LSAMP: variants seen among roughly 807,000 people sequenced by gnomAD.
LSAMP encodes limbic system-associated membrane protein.
Under a neutral mutation model 38.6 loss-of-function variants are expected in LSAMP, and 7 were observed. The observed-to-expected ratio is 0.18, with a 90% CI of 0.10 to 0.34. The LOEUF is 0.34. Among genes scored for constraint, LSAMP ranks in the 10% least tolerant of loss-of-function variants. The pLI is 1.00. For synonymous variants in LSAMP, 154 were observed against 166.8 expected (o/e 0.92, Z 0.59); for missense variants, 313 against 420.0 (o/e 0.75, Z 2.23).
At chr3:116,350,731 G>T (rs897955418) in intron 1 of LSAMP, among the ~76,000 whole-genome samples, 3 of 151,868 alleles carry the variant, frequency 2.0e-5, no homozygotes, top group Admixed American at 6.6e-5. Context: ...ACATGAAAAG[G>T]TGAAAGTTCT....
At chr3:115,866,485 C>G (rs1292761893) in intron 3 of LSAMP, among the ~76,000 whole-genome samples, 4 of 152,096 alleles carry the variant, frequency 2.6e-5, no homozygotes, top group African/African-American at 9.7e-5. Flanking sequence ...TTTCATTATG[C>G]ATGGATTTTG....
At chr3:115,983,740 C>T (rs887874516) in intron 3 of LSAMP, among the ~76,000 whole-genome samples, 8 of 152,086 alleles carry the variant, frequency 5.3e-5, no homozygotes, top group African/African-American at 1.9e-4. Flanking sequence ...CATGAGAGGA[C>T]AGTGCCTAGT....
chr3:116,370,607 G>A (rs925545609), intron 1 of LSAMP, among the ~76,000 whole-genome samples: 1 of 152,138 alleles, frequency 6.6e-6, no homozygotes, highest in Non-Finnish European at 1.5e-5. Flanking sequence ...GGGAGTTGAG[G>A]GGAGGGTAAA....
At chr3:116,306,562 G>T (rs2047487619) in intron 1 of LSAMP, among the ~76,000 whole-genome samples, 1 of 151,872 alleles carries the variant, frequency 6.6e-6, no homozygotes, top group African/African-American at 2.4e-5. Flanking sequence ...TTAATGAAGG[G>T]TTCAGAAAAT....
chr3:115,846,805 A>G (rs1362265721), intron 4 of LSAMP, among the ~76,000 whole-genome samples: 2 of 152,204 alleles, frequency 1.3e-5, no homozygotes, highest in African/African-American at 4.8e-5. Flanking sequence ...TGGAAAGGTA[A>G]ATGTTGCATA....
At chr3:116,398,980 A>C (rs1189443010) in intron 1 of LSAMP, among the ~76,000 whole-genome samples, 1 of 152,208 alleles carries the variant, frequency 6.6e-6, no homozygotes, top group Non-Finnish European at 1.5e-5. Context: ...GAAAAGTTGG[A>C]GTTAGGCAGG....
At chr3:116,345,178 C>T (rs1285451715) in intron 1 of LSAMP, among the ~76,000 whole-genome samples, 1 of 151,760 alleles carries the variant, frequency 6.6e-6, no homozygotes, top group Non-Finnish European at 1.5e-5. Context: ...CAAATAGTAG[C>T]CAATGTACAA....
intron 2 of LSAMP, among the ~76,000 whole-genome samples, chr3:116,075,415 C>T (rs1015853244): frequency 4.0e-5 from 6 of 151,268 alleles, no homozygotes; most frequent in Admixed American, 1.3e-4. Context: ...GGATTACAGG[C>T]GTGAGCCACA....
intron 1 of LSAMP, among the ~76,000 whole-genome samples, chr3:116,105,776 C>A (rs942591567): frequency 3.3e-5 from 5 of 152,116 alleles, no homozygotes; most frequent in African/African-American, 1.2e-4. Flanking sequence ...TTGGCTTGGG[C>A]TCAGAGGCCT....
intron 3 of LSAMP, among the ~76,000 whole-genome samples, chr3:115,883,814 A>G (rs540910261): frequency 6.6e-6 from 1 of 152,214 alleles, no homozygotes; most frequent in African/African-American, 2.4e-5. Context: ...GATTTGGCAC[A>G]GATGGCTAAA....
intron 3 of LSAMP, among the ~76,000 whole-genome samples, chr3:115,904,125 C>T (rs1387182253): frequency 1.3e-5 from 2 of 151,770 alleles, no homozygotes; most frequent in African/African-American, 4.8e-5. Context: ...AAAAGTGAAG[C>T]AACAAATAAA....
intron 6 of LSAMP, among the ~76,000 whole-genome samples, chr3:115,833,732 C>A (rs961347942): frequency 6.6e-6 from 1 of 152,014 alleles, no homozygotes; most frequent in Non-Finnish European, 1.5e-5. Flanking sequence ...TTTTTCCACG[C>A]CAGGTCCCGC....
intron 2 of LSAMP, among the ~76,000 whole-genome samples, chr3:116,042,247 C>A (rs1000744341): frequency 6.6e-6 from 1 of 152,106 alleles, no homozygotes; most frequent in East Asian, 1.9e-4. Context: ...AAGTGTTTTG[C>A]ACATAATTGT....
At chr3:116,439,234 T>G (rs2049397296) in intron 1 of LSAMP, among the ~76,000 whole-genome samples, 1 of 151,844 alleles carries the variant, frequency 6.6e-6, no homozygotes, top group African/African-American at 2.4e-5. Flanking sequence ...TTCTCCAACC[T>G]CAATATGCTA....
intron 2 of LSAMP, among the ~76,000 whole-genome samples, chr3:116,030,676 A>G (rs1398419649): frequency 6.6e-6 from 1 of 152,170 alleles, no homozygotes; most frequent in Non-Finnish European, 1.5e-5. Flanking sequence ...AAAAAATATC[A>G]GGCTACCTTG....
intron 1 of LSAMP, among the ~76,000 whole-genome samples, chr3:116,144,088 G>A (rs1709434593): frequency 6.6e-6 from 1 of 151,972 alleles, no homozygotes; most frequent in Non-Finnish European, 1.5e-5. Context: ...AAGTGGGGAA[G>A]TCATTGCATT....
At chr3:115,955,604 C>A (rs1938429497) in intron 3 of LSAMP, among the ~76,000 whole-genome samples, 1 of 145,544 alleles carries the variant, frequency 6.9e-6, no homozygotes, top group Admixed American at 6.9e-5. Context: ...ATTGTATTAA[C>A]TGCTGATGGG....
intron 1 of LSAMP, among the ~76,000 whole-genome samples, chr3:116,166,646 A>C (rs1710056610): frequency 6.6e-6 from 1 of 152,172 alleles, no homozygotes; most frequent in African/African-American, 2.4e-5. Context: ...CATAGGCTTC[A>C]AAAATATATA....
chr3:116,113,996 A>G (rs1336691519), intron 1 of LSAMP, among the ~76,000 whole-genome samples: 1 of 152,178 alleles, frequency 6.6e-6, no homozygotes, highest in African/African-American at 2.4e-5. Context: ...ATGGAAATAG[A>G]AGACTATGTT....
Sources: allele counts gnomAD v4.1 joint callset (sites outside exome capture counted in the v4.1 genomes callset), GRCh38; gene constraint gnomAD v4.1.1; transcripts MANE v1.5; gene names NCBI Gene and HGNC (gene_info 2026-07-23, HGNC 2026-07-21).